CEP290: variants seen among roughly 807,000 people sequenced by gnomAD.
CEP290 encodes centrosomal protein of 290 kDa.
CEP290 carries 317 observed loss-of-function variants against 344.9 expected under a neutral mutation model. That is an observed-to-expected ratio of 0.92 (90% CI 0.84 to 1.01). The LOEUF (loss-of-function observed/expected upper bound fraction) is 1.01, where lower values mean the gene tolerates loss of function less well. Ranked by LOEUF, CEP290 falls within the 50% of genes least tolerant of loss-of-function variation. CEP290 has a pLI of 0.00. For synonymous variants in CEP290, 932 were observed against 895.8 expected (o/e 1.04, Z -0.72); for missense variants, 2,754 against 2,761.4 (o/e 1.00, Z 0.06).
At chr12:88,068,741 G>T in intron 43 of CEP290, 96 bp from the exon 44 acceptor site, 1 of 1,249,098 alleles carries the variant, frequency 8.0e-7, no homozygotes, top group Non-Finnish European at 1.1e-6. Flanking sequence ...AAAGTTCAGT[G>T]TGTTTATTAA....
At chr12:88,137,278 T>G (rs1252177924) in intron 5 of CEP290, among the ~76,000 whole-genome samples, 1 of 152,256 alleles carries the variant, frequency 6.6e-6, no homozygotes, top group South Asian at 2.1e-4. Context: ...CATGTAGCTA[T>G]GTTCGGGCAT....
intron 41 of CEP290, among the ~76,000 whole-genome samples, chr12:88,073,955 G>T (rs1449836171): frequency 6.6e-6 from 1 of 152,062 alleles, no homozygotes; most frequent in Non-Finnish European, 1.5e-5. Context: ...TCTGGGTGTG[G>T]TGGCTCATAC....
chr12:88,126,805 T>C (rs1281535847), intron 11 of CEP290, among the ~76,000 whole-genome samples: 5 of 152,066 alleles, frequency 3.3e-5, no homozygotes, highest in Admixed American at 2.0e-4. Flanking sequence ...GCATAAAATA[T>C]CTTGAATGAA....
In CEP290 at chr12:88,121,150, A is replaced by G; in HGVS notation, c.1206T>C (p.Ser402=). The G allele has an allele frequency of 1.2e-6, 2 of 1,612,710 alleles. No homozygotes were observed. Among genetic ancestry groups the G allele is most frequent in the Non-Finnish European group, 1.7e-6 (2 of 1,179,454 alleles). The change falls in exon 14 of 54, where the codon TCT becomes TCC. Residue 402 remains serine, a synonymous_variant. Transcript: ENST00000552810. ...LQRNKGASTL[S]QQTHMKIQST... ...ACTGAATTTTCATATGAGTCTGTTG[A>G]GAAAGGGTTGAAGCACCTACAGAGT...
rs1555197132 is a variant in CEP290, at chr12:88,059,938, A to T, written c.6605T>A (p.Ile2202Asn). The T allele has an allele frequency of 6.3e-7, 1 of 1,594,420 alleles. No individual in the cohort carries two copies. Among genetic ancestry groups the T allele is most frequent in the Non-Finnish European group, 8.5e-7 (1 of 1,170,346 alleles). The change falls in exon 48 of 54, where the codon ATT becomes AAT. Residue 2202 changes from isoleucine (I) to asparagine (N), a missense_variant. By Grantham distance (149) the Ile-to-Asn change is moderately radical. Coordinates refer to ENST00000552810, the MANE Select transcript of CEP290 (RefSeq NM_025114.4). ...YESKTKGTEK[I>N]IAENERLRKE... is the part of the protein sequence containing the mutation. ...ACGAAGCCTTTCATTTTCAGCAATA[A>T]TTTTTTCTGTGCCTTTGGTCTTGGA...
rs567131366 is a variant in CEP290, at chr12:88,085,847, A to G, written c.4437+192T>C. Among the ~76,000 whole-genome samples, 60 of 152,306 alleles carry G rather than the reference A, an allele frequency of 3.9e-4. 1 individual carries two copies. Among genetic ancestry groups the G allele is most frequent in the African/African-American group, 1.4e-3 (57 of 41,588 alleles). On this transcript the variant is annotated intron_variant, in intron 34 of 53. Transcript: ENST00000552810. ...CCGAAAGGTACCAACTAATAATTAA[A>G]TAGTGAATTCAAATTAACTATATCT...
At chr12:88,086,590 A>G in intron 32 of CEP290, 92 bp from the exon 33 acceptor site, 3 of 787,542 alleles carry the variant, frequency 3.8e-6, no homozygotes, top group South Asian at 4.5e-5. Flanking sequence ...TAATCCTCAC[A>G]ACACATTGAA....
At chr12:88,139,659 G>C (rs938899804) in intron 3 of CEP290, 95 bp from the exon 4 acceptor site, 1 of 876,514 alleles carries the variant, frequency 1.1e-6, no homozygotes, top group Admixed American at 3.6e-5. Flanking sequence ...GATCCTTAGT[G>C]CCAGCAATGG....
chr12:88,051,360 G>T (rs979330229), intron 52 of CEP290, among the ~76,000 whole-genome samples: 6 of 151,872 alleles, frequency 4.0e-5, no homozygotes, highest in African/African-American at 1.5e-4. Context: ...CACCATGCCT[G>T]GCTAATTTTT....
Position 88,050,353 on chromosome 12 carries a change from C to T in CEP290, c.7209+1G>A, listed in dbSNP as rs1420974027. The T allele has an allele frequency of 7.0e-7, 1 of 1,437,122 alleles. No individual in the cohort carries two copies. The highest frequency in any genetic ancestry group is 9.7e-7 in the Non-Finnish European group (1 of 1,035,388). The allele number at this position is 1,437,122 out of a possible 1,614,324, so 89.0% of individuals were successfully genotyped here. ...GATACTAAAATATAATTAAATATTA[C>T]CTTCAAATGCTGCTTTTCTAGATCT... On this transcript the variant is annotated splice_donor_variant, in intron 53 of 53. Coordinates refer to ENST00000552810, the MANE Select transcript of CEP290 (RefSeq NM_025114.4). LOFTEE classifies it high-confidence loss of function.
chr12:88,077,098 T>C (rs1454873759), intron 41 of CEP290, 124 bp downstream of exon 41: 2 of 920,982 alleles, frequency 2.2e-6, no homozygotes, highest in Non-Finnish European at 3.1e-6. Flanking sequence ...GTCCTCAAAA[T>C]TAATACAGAA....
Position 88,136,790 on chromosome 12 carries a change from A to T in CEP290, c.298-4T>A. 1 of 1,613,100 alleles carries T rather than the reference A, an allele frequency of 6.2e-7. No individual in the cohort carries two copies. Among genetic ancestry groups the T allele is most frequent in the Non-Finnish European group, 8.5e-7 (1 of 1,179,406 alleles). On this transcript the variant is annotated splice_polypyrimidine_tract_variant and splice_region_variant and intron_variant, in intron 5 of 53. Transcript: ENST00000552810. ...CACCTGCAGACTGCTGAGCCATCTT[A>T]AAGTAATAAACCCAAAGTATAAATT... is the stretch of plus-strand genomic sequence containing the variant.
chr12:88,061,918 A>G (rs1340701762), intron 46 of CEP290, among the ~76,000 whole-genome samples: 1 of 152,040 alleles, frequency 6.6e-6, no homozygotes, highest in Non-Finnish European at 1.5e-5. Context: ...AGCTAGGATT[A>G]CAGGCATGAG....
At chr12:88,107,196 A>G in intron 23 of CEP290, 98 bp from the exon 24 acceptor site, 3 of 686,358 alleles carry the variant, frequency 4.4e-6, no homozygotes, top group Admixed American at 3.6e-5. Context: ...AGTTTTCTCA[A>G]CACAAGAGGT....
chr12:88,051,711 C>T (rs1421591874), intron 52 of CEP290: 1 of 152,106 alleles, frequency 6.6e-6, no homozygotes, highest in Non-Finnish European at 1.5e-5. Context: ...CCATATGACC[C>T]TTAATGCACA....
rs548149282 is a variant in CEP290, at chr12:88,070,989, C to A, written c.6011+305G>T. Among the ~76,000 whole-genome samples, 3 of 152,208 alleles carry A rather than the reference C, an allele frequency of 2.0e-5. No homozygotes were observed. The East Asian group carries it at 5.8e-4, about 29-fold the overall frequency. On this transcript the variant is annotated intron_variant, in intron 43 of 53. Coordinates refer to ENST00000552810, the MANE Select transcript of CEP290 (RefSeq NM_025114.4). ...TTGAAAAGGCTTTGAAAAATGGAAC[C>A]ACAGCCCAAGAAATGAGGTTGGAAC...
chr12:88,125,311 G>C lies in CEP290; in HGVS notation c.1124C>G (p.Thr375Arg). ...ACAAGTATTCTTTTCCATTTCTTTT[G>C]TATATTGTTCTACTTGTTCGGTGAG... ...KMLTEQVEQY[T>R]KEMEKNTCII... Residue 375 changes from threonine to arginine, a missense_variant, in exon 13 of 54, where the codon ACA (threonine) becomes AGA (arginine). Coordinates refer to ENST00000552810, the MANE Select transcript of CEP290 (RefSeq NM_025114.4). The C allele has an allele frequency of 8.0e-7, 1 of 1,250,026 alleles. No homozygotes were observed. 77.4% of individuals were successfully genotyped at this position (1,250,026 alleles called of 1,614,324 possible).
Position 88,118,730 on chromosome 12 carries a change from C to A in CEP290, c.1536G>T (p.Lys512Asn), listed in dbSNP as rs750163383. The A allele has an allele frequency of 6.2e-7, 1 of 1,611,376 alleles. No homozygotes were observed. Among genetic ancestry groups the A allele is most frequent in the Non-Finnish European group, 8.5e-7 (1 of 1,178,888 alleles). Residue 512 changes from lysine to asparagine, a missense_variant, in exon 16 of 54, where the codon AAG becomes AAT. Physicochemically the swap from Lys to Asn is moderately conservative, Grantham distance 94. Coordinates refer to ENST00000552810, the MANE Select transcript of CEP290 (RefSeq NM_025114.4). ...ALRERVGLEPKTMIDLTEFRN... is the reference protein window; with the variant it reads ...ALRERVGLEPNTMIDLTEFRN... The stretch of plus-strand genomic sequence containing the variant: ...TAAATTCAGTTAAATCAATCATTGT[C>A]TTTGGTTCAAGGCCTACAATAGAAA...
chr12:88,130,620 T>C (rs2040011358), intron 7 of CEP290, 55 bp from the exon 8 acceptor site: 1 of 1,433,178 alleles, frequency 7.0e-7, no homozygotes, highest in Admixed American at 3.0e-5. Context: ...AATACATAAT[T>C]AAAAATAATA....
Sources: gnomAD v4.1 joint callset for allele counts (sites outside exome capture counted in the v4.1 genomes callset) on GRCh38, gnomAD v4.1.1 for gene constraint, MANE v1.5 for transcripts, NCBI Gene and HGNC (gene_info 2026-07-23, HGNC 2026-07-21) for gene names.